ADAM23: variants seen among roughly 807,000 people sequenced by gnomAD.
The protein encoded by ADAM23 is disintegrin and metalloproteinase domain-containing protein 23.
Under a neutral mutation model 120.1 loss-of-function variants are expected in ADAM23, and 33 were observed. The ratio of observed to expected loss-of-function variants is 0.27; its 90% CI spans 0.21 to 0.37. ADAM23 has a LOEUF of 0.37. ADAM23 is among the 10% of genes least tolerant of loss of function. The pLI, the probability that ADAM23 is intolerant of heterozygous loss-of-function variation, is 1.00. For synonymous variants in ADAM23, 367 were observed against 375.2 expected (o/e 0.98, Z 0.25); for missense variants, 862 against 1,058.2 (o/e 0.81, Z 2.57).
At chr2:206,598,482 A>G (rs1698572720) in intron 24 of ADAM23, among the ~76,000 whole-genome samples, 1 of 152,142 alleles carries the variant, frequency 6.6e-6, no homozygotes, top group South Asian at 2.1e-4. Flanking sequence ...CTCTCCATTT[A>G]ATGTGGTAGT....
intron 3 of ADAM23, among the ~76,000 whole-genome samples, chr2:206,517,421 G>T (rs1242987963): frequency 6.6e-6 from 1 of 152,054 alleles, no homozygotes; most frequent in Non-Finnish European, 1.5e-5. Context: ...GTGCCATCTT[G>T]TTTTTTTCTG....
intron 18 of ADAM23, 138 bp from the exon 19 acceptor site, chr2:206,587,187 C>T (rs1025686097): frequency 1.5e-5 from 8 of 544,798 alleles, no homozygotes; most frequent in Admixed American, 3.4e-5. Flanking sequence ...GAATTAATAA[C>T]GTATTTAAGG....
rs1559281486 is a variant in ADAM23 at position 206,594,763 on chromosome 2, A to G, written c.2105A>G (p.Asp702Gly). Residue 702 changes from aspartate to glycine, a missense_variant, in exon 23 of 26, where the codon GAT (aspartate) becomes GGT (glycine). Asp to Gly is a moderately conservative substitution (Grantham distance 94, BLOSUM62 -1). Around this residue, in one of 4 missense-constraint regions of ADAM23, gnomAD observed 617 missense variants for 813.5 expected, o/e 0.76. Transcript: ENST00000264377. ...CSGAHVVLDD[D>G]TDVGYVEDGT... ...GGTGCCCATGTAGTTTTAGATGATG[A>G]TACGGATGTGGGCTATGTAGAAGAT... 6.2e-7 allele frequency: 1 copy of G among 1,614,166 alleles called. No individual in the cohort carries two copies. Among genetic ancestry groups the G allele is most frequent in the East Asian group, 2.2e-5 (1 of 44,886 alleles).
intron 6 of ADAM23, among the ~76,000 whole-genome samples, chr2:206,544,955 T>G (rs1382726198): frequency 6.6e-6 from 1 of 151,948 alleles, no homozygotes; most frequent in East Asian, 1.9e-4. Context: ...TACAAAGGCC[T>G]TGAGGCAGGA....
At position 206,445,437 on chromosome 2, in the gene ADAM23, A is replaced by G; in HGVS notation, c.345A>G (p.Ser115=). The G allele has an allele frequency of 6.2e-7, 1 of 1,614,170 alleles. No homozygotes were observed. Among genetic ancestry groups the G allele is most frequent in the Non-Finnish European group, 8.5e-7 (1 of 1,180,002 alleles). Residue 115 remains serine, a synonymous_variant, in exon 2 of 26, where the codon TCA becomes TCG. Coordinates refer to ENST00000264377, the MANE Select transcript of ADAM23 (RefSeq NM_003812.4). ...NAMQKEITLP[S]RLIYYINQDS... ...TGCAGAAAGAAATCACACTGCCTTC[A>G]AGACTCATATATTACATCAACCAAG...
At chr2:206,461,292 C>T (rs987070956) in intron 2 of ADAM23, among the ~76,000 whole-genome samples, 29 of 152,022 alleles carry the variant, frequency 1.9e-4, no homozygotes, top group African/African-American at 6.8e-4. Context: ...GAACTCCTGA[C>T]CTCAAGTGAC....
At chr2:206,525,880 G>A (rs562851668) in intron 3 of ADAM23, among the ~76,000 whole-genome samples, 3 of 152,094 alleles carry the variant, frequency 2.0e-5, no homozygotes, top group East Asian at 3.9e-4. Flanking sequence ...ATGAGCCACC[G>A]CGTCTGGCTG....
chr2:206,497,062 C>T (rs1321335417), intron 3 of ADAM23, among the ~76,000 whole-genome samples: 1 of 152,172 alleles, frequency 6.6e-6, no homozygotes, highest in Non-Finnish European at 1.5e-5. Flanking sequence ...TAGCCGAATT[C>T]TACCAAAGGT....
chr2:206,547,283 A>C, intron 6 of ADAM23, 146 bp from the exon 7 acceptor site: 1 of 551,916 alleles, frequency 1.8e-6, no homozygotes, highest in Non-Finnish European at 3.1e-6. Context: ...GATTTCAATA[A>C]GACATACTTT....
chr2:206,471,926 G>A (rs757910317), intron 2 of ADAM23, among the ~76,000 whole-genome samples: 1 of 152,168 alleles, frequency 6.6e-6, no homozygotes, highest in African/African-American at 2.4e-5. Context: ...TGATACTTGT[G>A]CTGCTTTACC....
chr2:206,522,734 A>G (rs1040552212), intron 3 of ADAM23, among the ~76,000 whole-genome samples: 2 of 152,004 alleles, frequency 1.3e-5, no homozygotes, highest in African/African-American at 4.8e-5. Flanking sequence ...TCATCATAGC[A>G]TTTCAGTGAT....
chr2:206,547,565 C>A (rs2105811494), intron 7 of ADAM23, 64 bp downstream of exon 7: 2 of 1,378,586 alleles, frequency 1.5e-6, no homozygotes, highest in East Asian at 4.8e-5. Flanking sequence ...TGGTGGAGCT[C>A]AGTAGATATG....
At chr2:206,594,714 T>C (rs1574555345) in intron 22 of ADAM23, 23 bp from the exon 23 acceptor site, 4 of 1,613,710 alleles carry the variant, frequency 2.5e-6, no homozygotes, top group East Asian at 2.2e-5. Context: ...CAAATAGTTA[T>C]ATGGGTATCT....
intron 3 of ADAM23, among the ~76,000 whole-genome samples, chr2:206,488,203 T>C (rs570206447): frequency 6.6e-5 from 10 of 152,320 alleles, no homozygotes; most frequent in Non-Finnish European, 1.5e-4. Flanking sequence ...TCAACAAACA[T>C]TTATTGAGCT....
In ADAM23 at chr2:206,474,010, T is replaced by C. The variant is rs1574485856; in HGVS notation, c.433-7222T>C. On this transcript the variant is annotated intron_variant, in intron 2 of 25. Coordinates refer to ENST00000264377, the MANE Select transcript of ADAM23 (RefSeq NM_003812.4). ...TTGGGCAACAGAGTGAGACCCTGTC[T>C]CAAAAAAAAAAAAACAAAAAAAAAA... Among the ~76,000 whole-genome samples, 7 of 111,100 alleles carry C rather than the reference T, an allele frequency of 6.3e-5. No homozygotes were observed. In the South Asian group the frequency reaches 1.6e-3, roughly 26 times the overall value. 72.9% of individuals were successfully genotyped at this position (111,100 alleles called of 152,430 possible).
At chr2:206,599,078 G>GCCTA (rs773025313) in intron 24 of ADAM23, among the ~76,000 whole-genome samples, 2 of 151,462 alleles carry the variant, frequency 1.3e-5, no homozygotes, top group Non-Finnish European at 2.9e-5. Context: ...GGTGGTGCGT[G>GCCTA]CCTGTAGTAC....
intron 4 of ADAM23, among the ~76,000 whole-genome samples, chr2:206,537,457 G>T (rs188025830): frequency 1.5e-4 from 23 of 152,226 alleles, no homozygotes; most frequent in African/African-American, 5.5e-4. Context: ...AAGTCAGTCA[G>T]AGTCTGGCCG....
intron 3 of ADAM23, among the ~76,000 whole-genome samples, chr2:206,496,922 G>A (rs550704327): frequency 3.3e-5 from 5 of 151,066 alleles, no homozygotes; most frequent in Non-Finnish European, 5.9e-5. Context: ...TAAATTCCTC[G>A]ACACATACAC....
chr2:206,590,745 A>G (rs981558856), intron 21 of ADAM23, among the ~76,000 whole-genome samples: 1 of 152,224 alleles, frequency 6.6e-6, no homozygotes, highest in African/African-American at 2.4e-5. Context: ...TCATAAGTGA[A>G]GCACAGATGT....
Sources: gnomAD v4.1 joint callset for allele counts (sites outside exome capture counted in the v4.1 genomes callset) on GRCh38, gnomAD v4.1.1 for gene constraint, gnomAD v4.1.1 regional missense constraint, MANE v1.5 for transcripts, NCBI Gene and HGNC (gene_info 2026-07-23, HGNC 2026-07-21) for gene names.